The following NYAP2 variants were observed in gnomAD, a reference collection of about 807,000 sequenced individuals.
NYAP2 encodes the protein neuronal tyrosine-phosphorylated phosphoinositide-3-kinase adapter 2.
A neutral mutation model predicts 50.4 loss-of-function variants in NYAP2; 23 were observed. The ratio of observed to expected loss-of-function variants is 0.46; its 90% CI spans 0.33 to 0.65. NYAP2 has a LOEUF of 0.65. Ranked by LOEUF, NYAP2 falls within the 30% of genes least tolerant of loss-of-function variation. NYAP2 has a pLI of 0.02. For missense variants in NYAP2, 885 were observed against 861.0 expected, an observed-to-expected ratio of 1.03 and a Z score of -0.35; for synonymous variants, 394 against 365.2, an observed-to-expected ratio of 1.08 and a Z score of -0.90.
At chr2:225,530,879 C>G (rs1227625522) in intron 4 of NYAP2, among the ~76,000 whole-genome samples, 1 of 152,154 alleles carries the variant, frequency 6.6e-6, no homozygotes, top group Non-Finnish European at 1.5e-5. Context: ...TCAAGTCCAG[C>G]CAATTCTGCT....
At position 225,582,388 on chromosome 2, in the gene NYAP2, C is replaced by A. The variant is rs752410491; in HGVS notation, c.971C>A (p.Pro324Gln). Residue 324 changes from proline (P) to glutamine (Q), a missense_variant, in exon 5 of 7, where the codon CCG becomes CAG. By Grantham distance (76) the Pro-to-Gln change is moderately conservative. Coordinates refer to ENST00000636099, the Ensembl canonical transcript of NYAP2. This position sits in a 1 kb window ranked among gnomAD's most constrained non-coding sequence, Gnocchi z 7.0. ...AAGGGGCTGCTTTGCGACATCCCTCCGCCCTTCCCCAACCTGCTTTCTCAC... is the reference window on the plus strand; with the variant it reads ...AAGGGGCTGCTTTGCGACATCCCTCAGCCCTTCCCCAACCTGCTTTCTCAC... 6.2e-6 allele frequency: 10 copies of A among 1,609,234 alleles called. No homozygotes were observed. In the South Asian group the frequency reaches 1.1e-4, roughly 18 times the overall value.
intron 3 of NYAP2, among the ~76,000 whole-genome samples, chr2:225,453,598 ATTC>A (rs1451407238): frequency 2.0e-5 from 3 of 152,166 alleles, no homozygotes; most frequent in Non-Finnish European, 4.4e-5. Flanking sequence ...TCTGGCAGTA[ATTC>A]TTCTAAAGTC....
At chr2:225,512,858 TTCCTTCCTTCCTTCCTTC>T (rs1690853880) in intron 3 of NYAP2, among the ~76,000 whole-genome samples, 10 of 102,122 alleles carry the variant, frequency 9.8e-5, no homozygotes, top group African/African-American at 3.4e-4. Flanking sequence ...TCTTTCTTCC[TTCCTTCCTTCCTTCCTTC>T]CTTCCTTCCT....
At chr2:225,409,208 G>C in intron 3 of NYAP2, 107 bp downstream of exon 3, 1 of 772,910 alleles carries the variant, frequency 1.3e-6, no homozygotes, top group South Asian at 1.8e-5. Flanking sequence ...TCCAGAGTCA[G>C]TTAGACTTGG....
downstream of NYAP2, among the ~76,000 whole-genome samples, chr2:225,657,767 T>C (rs778354041): frequency 2.9e-4 from 44 of 152,152 alleles, no homozygotes; most frequent in Non-Finnish European, 4.6e-4. Flanking sequence ...CCTTGTCCTA[T>C]AGACCAGGGA....
chr2:225,485,334 A>C (rs1259995053), intron 3 of NYAP2, among the ~76,000 whole-genome samples: 3 of 152,194 alleles, frequency 2.0e-5, no homozygotes, highest in Non-Finnish European at 4.4e-5. Context: ...TTCCCTTATA[A>C]ATTACCCAGT....
the NYAP2 span, among the ~76,000 whole-genome samples, chr2:225,693,415 G>A: frequency 1.3e-5 from 2 of 152,000 alleles, no homozygotes; most frequent in African/African-American, 4.8e-5. Flanking sequence ...ATTATACCAA[G>A]GATACATACT....
intron 3 of NYAP2, among the ~76,000 whole-genome samples, chr2:225,458,129 G>T (rs1488675667): frequency 6.6e-6 from 1 of 151,706 alleles, no homozygotes; most frequent in African/African-American, 2.4e-5. Flanking sequence ...TGTAAAATTA[G>T]CCAGGCATTT....
chr2:225,640,354 C>A (rs1693505698), intron 6 of NYAP2, among the ~76,000 whole-genome samples: 1 of 151,950 alleles, frequency 6.6e-6, no homozygotes, highest in Non-Finnish European at 1.5e-5. Context: ...TTGTTTTTTT[C>A]AAAAATCAGC....
intron 3 of NYAP2, among the ~76,000 whole-genome samples, chr2:225,492,786 C>T (rs955434911): frequency 6.6e-6 from 1 of 152,002 alleles, no homozygotes; most frequent in Non-Finnish European, 1.5e-5. Flanking sequence ...TTTTAACAAC[C>T]AGATCTCATG....
the NYAP2 span, among the ~76,000 whole-genome samples, chr2:225,669,815 C>T: frequency 6.6e-6 from 1 of 152,028 alleles, no homozygotes; most frequent in Non-Finnish European, 1.5e-5. Flanking sequence ...TTTTTATTTC[C>T]GTTCTGTCCA....
intron 3 of NYAP2, among the ~76,000 whole-genome samples, chr2:225,443,097 A>G (rs1689495766): frequency 6.6e-6 from 1 of 152,126 alleles, no homozygotes; most frequent in Admixed American, 6.5e-5. Flanking sequence ...ATTACCTTCC[A>G]CTGGGTGCCT....
intron 3 of NYAP2, among the ~76,000 whole-genome samples, chr2:225,426,280 C>T (rs1269689777): frequency 6.6e-6 from 1 of 152,090 alleles, no homozygotes; most frequent in African/African-American, 2.4e-5. Flanking sequence ...GGACAAATTA[C>T]TCAGACTCAC....
the NYAP2 span, among the ~76,000 whole-genome samples, chr2:225,693,443 C>T: frequency 2.0e-5 from 3 of 152,118 alleles, no homozygotes; most frequent in South Asian, 2.1e-4. Flanking sequence ...TAGTTTACTA[C>T]GGTTGATCGC....
Position 225,421,930 on chromosome 2 carries a change from T to C in NYAP2, c.221+12829T>C, listed in dbSNP as rs544412267. The stretch of plus-strand genomic sequence containing the variant: ...ATTTCTAGAAATCAATTATTTCAAA[T>C]ATCTAATGTTATTCTTGATTTGTTT... On this transcript the variant is annotated intron_variant, in intron 3 of 6. Transcript: ENST00000636099. Among the ~76,000 whole-genome samples, 5 of 152,322 alleles carry C rather than the reference T, an allele frequency of 3.3e-5. No homozygotes were observed. In the East Asian group the frequency reaches 5.8e-4, roughly 18 times the overall value.
At chr2:225,650,432 T>C (rs1221671156) in intron 6 of NYAP2, among the ~76,000 whole-genome samples, 1 of 152,220 alleles carries the variant, frequency 6.6e-6, no homozygotes, top group Admixed American at 6.5e-5. Context: ...ATGAGTTTAA[T>C]TTTTAGGTCA....
At chr2:225,524,350 A>G (rs1263848729) in intron 4 of NYAP2, among the ~76,000 whole-genome samples, 1 of 152,160 alleles carries the variant, frequency 6.6e-6, no homozygotes, top group Admixed American at 6.6e-5. Flanking sequence ...CAGCAAGTCA[A>G]GTCCTTCCAC....
At chr2:225,489,702 G>A (rs1291584650) in intron 3 of NYAP2, among the ~76,000 whole-genome samples, 1 of 152,208 alleles carries the variant, frequency 6.6e-6, no homozygotes, top group African/African-American at 2.4e-5. Flanking sequence ...GTGTAAGCCA[G>A]CAGGGTATCC....
the NYAP2 span, among the ~76,000 whole-genome samples, chr2:225,681,432 T>C: frequency 2.0e-5 from 3 of 152,166 alleles, no homozygotes; most frequent in East Asian, 5.8e-4. Context: ...GCAGATGGAG[T>C]GATCACTGAT....
Sources: gnomAD v4.1 joint callset for allele counts (sites outside exome capture counted in the v4.1 genomes callset) on GRCh38, gnomAD v4.1.1 for gene constraint, Gnocchi (gnomAD v3.1) non-coding constraint, MANE v1.5 for transcripts, NCBI Gene and HGNC (gene_info 2026-07-23, HGNC 2026-07-21) for gene names.